Variants in SUCLG2 observed in about 807,000 individuals in gnomAD.
SUCLG2 encodes succinate-CoA ligase GDP-forming subunit beta, also known as succinate--CoA ligase [GDP-forming] subunit beta, mitochondrial.
Under a neutral mutation model 47.9 loss-of-function variants are expected in SUCLG2, and 42 were observed. The observed-to-expected ratio is 0.88, with a 90% CI of 0.69 to 1.14. The LOEUF (loss-of-function observed/expected upper bound fraction) is 1.14. Ranked by LOEUF, SUCLG2 falls within the 50% of genes most tolerant of loss-of-function variation. SUCLG2 has a pLI of 0.00. For synonymous variants in SUCLG2, 195 were observed against 197.3 expected, an observed-to-expected ratio of 0.99 and a Z score of 0.10; for missense variants, 571 against 525.9, an observed-to-expected ratio of 1.09 and a Z score of -0.84.
In SUCLG2 at chr3:67,615,621, A is replaced by AC. The variant is rs1553670704; in HGVS notation, c.85-6026_85-6025insG. 3.9e-3 allele frequency among the ~76,000 whole-genome samples: 560 copies of AC among 142,162 alleles called. 3 individuals are homozygous for AC. Among genetic ancestry groups the AC allele is most frequent in the African/African-American group, 0.01 (380 of 37,950 alleles). The allele number at this position is 142,162 out of a possible 152,430, so 93.3% of individuals were successfully genotyped here. A position where few individuals can be genotyped will look rare whatever the true frequency, so the allele number is the denominator to read the frequency against. On this transcript the variant is annotated intron_variant, in intron 1 of 10. Transcript: ENST00000307227. ...GCCACTGAACACAAACACAAACACA[A>AC]ACACACACACACACACACACACACA...
chr3:67,548,185 G>C (rs962961033), intron 2 of SUCLG2, among the ~76,000 whole-genome samples: 1 of 152,202 alleles, frequency 6.6e-6, no homozygotes, highest in Non-Finnish European at 1.5e-5. Context: ...ATACAGCTAG[G>C]AAGAAACAGA....
intron 9 of SUCLG2, among the ~76,000 whole-genome samples, chr3:67,438,468 A>T (rs1703678588): frequency 6.6e-6 from 1 of 152,050 alleles, no homozygotes; most frequent in South Asian, 2.1e-4. Flanking sequence ...TTTTTTTTAA[A>T]GATTAACAAA....
chr3:67,453,054 C>T (rs1344525777), intron 9 of SUCLG2, among the ~76,000 whole-genome samples: 1 of 152,134 alleles, frequency 6.6e-6, no homozygotes, highest in Non-Finnish European at 1.5e-5. Flanking sequence ...CCCTGAAATG[C>T]ATCTCTTTTG....
At chr3:67,583,668 A>T (rs1162413528) in intron 2 of SUCLG2, among the ~76,000 whole-genome samples, 1 of 152,230 alleles carries the variant, frequency 6.6e-6, no homozygotes, top group Non-Finnish European at 1.5e-5. Flanking sequence ...TTTGCAGCTT[A>T]GAGACTTCTT....
At chr3:67,388,444 G>T (rs1423930099) in intron 10 of SUCLG2, among the ~76,000 whole-genome samples, 1 of 152,170 alleles carries the variant, frequency 6.6e-6, no homozygotes, top group African/African-American at 2.4e-5. Context: ...AACTACCAGG[G>T]ATACTCACTA....
chr3:67,379,720 AC>A (rs1702111590), intron 10 of SUCLG2, among the ~76,000 whole-genome samples: 2 of 152,212 alleles, frequency 1.3e-5, no homozygotes, highest in South Asian at 4.1e-4. Flanking sequence ...TGTTGGGCTG[AC>A]ACCTCTCTCC....
chr3:67,626,288 G>A (rs28367907), intron 1 of SUCLG2, among the ~76,000 whole-genome samples: 90 of 152,006 alleles, frequency 5.9e-4, no homozygotes, highest in African/African-American at 1.9e-3. Flanking sequence ...CACTGCACCC[G>A]GCCACTAGGG....
At chr3:67,539,907 C>G (rs1213370918) in intron 2 of SUCLG2, among the ~76,000 whole-genome samples, 1 of 151,932 alleles carries the variant, frequency 6.6e-6, no homozygotes, top group African/African-American at 2.4e-5. Context: ...GTGGTGATAT[C>G]CCCTTTATCA....
intron 9 of SUCLG2, among the ~76,000 whole-genome samples, chr3:67,406,017 A>C (rs1201210445): frequency 2.6e-5 from 4 of 152,120 alleles, no homozygotes; most frequent in African/African-American, 9.7e-5. Flanking sequence ...GAAGCCCTAC[A>C]ATGAGTGATG....
At chr3:67,551,292 G>T (rs1707007639) in intron 2 of SUCLG2, among the ~76,000 whole-genome samples, 1 of 152,138 alleles carries the variant, frequency 6.6e-6, no homozygotes, top group African/African-American at 2.4e-5. Context: ...AGTACCTCTG[G>T]ATCCTTGATA....
chr3:67,450,409 G>A (rs1360122480), intron 9 of SUCLG2, among the ~76,000 whole-genome samples: 1 of 152,160 alleles, frequency 6.6e-6, no homozygotes, highest in African/African-American at 2.4e-5. Context: ...CCAAAGCAAA[G>A]TGTTTAAGCC....
intron 9 of SUCLG2, among the ~76,000 whole-genome samples, chr3:67,436,744 GATGT>G (rs1209482736): frequency 2.0e-5 from 3 of 152,020 alleles, no homozygotes; most frequent in Non-Finnish European, 4.4e-5. Context: ...AATTATAAGT[GATGT>G]ATGACCACCA....
intron 2 of SUCLG2, among the ~76,000 whole-genome samples, chr3:67,571,113 G>A (rs1269107973): frequency 1.3e-5 from 2 of 152,072 alleles, no homozygotes; most frequent in African/African-American, 2.4e-5. Context: ...GTATACCACA[G>A]GATGTAATCC....
chr3:67,388,188 G>A (rs974468396), intron 10 of SUCLG2, among the ~76,000 whole-genome samples: 2 of 152,162 alleles, frequency 1.3e-5, no homozygotes, highest in African/African-American at 4.8e-5. Flanking sequence ...ATCAAAGAGG[G>A]CACTGCCTTC....
intron 9 of SUCLG2, among the ~76,000 whole-genome samples, chr3:67,416,720 T>G (rs543782083): frequency 6.6e-6 from 1 of 152,330 alleles, no homozygotes; most frequent in East Asian, 1.9e-4. Flanking sequence ...GTTAAATATA[T>G]TGCTAAGTAT....
chr3:67,498,440 T>C (rs1575736518), intron 7 of SUCLG2, 145 bp from the exon 8 acceptor site: 5 of 788,966 alleles, frequency 6.3e-6, no homozygotes, highest in South Asian at 4.1e-5. Context: ...CTGCTTTGGC[T>C]TTCTTGACCT....
chr3:67,417,332 C>T (rs1436875164), intron 9 of SUCLG2, among the ~76,000 whole-genome samples: 1 of 152,194 alleles, frequency 6.6e-6, no homozygotes, highest in East Asian at 1.9e-4. Context: ...TGCTAGCTGC[C>T]TAGACAAGGC....
chr3:67,425,287 G>T (rs1207935524), intron 9 of SUCLG2, among the ~76,000 whole-genome samples: 5 of 152,164 alleles, frequency 3.3e-5, no homozygotes, highest in Non-Finnish European at 2.9e-5. Flanking sequence ...TGTCCTAAGT[G>T]TATTATTTAT....
intron 10 of SUCLG2, among the ~76,000 whole-genome samples, chr3:67,379,449 C>T (rs186398394): frequency 9.7e-4 from 148 of 152,246 alleles, no homozygotes; most frequent in Middle Eastern, 6.8e-3. Context: ...ATTCAGATAA[C>T]TTCTTATTCA....
Sources: gnomAD v4.1 joint callset for allele counts (sites outside exome capture counted in the v4.1 genomes callset) on GRCh38, gnomAD v4.1.1 for gene constraint, MANE v1.5 for transcripts, NCBI Gene and HGNC (gene_info 2026-07-23, HGNC 2026-07-21) for gene names.